Variants in GALNT13 observed in about 807,000 individuals in gnomAD.
GALNT13 encodes the protein UDP-GalNAc:polypeptide N-acetylgalactosaminyltransferase 13.
Under a neutral mutation model 64.2 loss-of-function variants are expected in GALNT13, and 28 were observed. That is an observed-to-expected ratio of 0.44 (90% CI 0.32 to 0.60). The LOEUF (loss-of-function observed/expected upper bound fraction) is 0.60, where lower values mean the gene tolerates loss of function less well. Ranked by LOEUF, GALNT13 falls within the 20% of genes least tolerant of loss-of-function variation. The pLI is 0.05. For synonymous variants in GALNT13, 214 were observed against 224.6 expected, an observed-to-expected ratio of 0.95 and a Z score of 0.42; for missense variants, 577 against 669.8, an observed-to-expected ratio of 0.86 and a Z score of 1.53.
chr2:153,288,280 AAC>A, the GALNT13 span, among the ~76,000 whole-genome samples: 9 of 152,186 alleles, frequency 5.9e-5, no homozygotes, highest in African/African-American at 2.2e-4. Context: ...TGTGTGTCTA[AAC>A]ACACACATAT....
the GALNT13 span, among the ~76,000 whole-genome samples, chr2:153,367,236 A>G: frequency 6.6e-6 from 1 of 152,142 alleles, no homozygotes; most frequent in Non-Finnish European, 1.5e-5. Context: ...TGTTTATATC[A>G]TATATAAAAG....
chr2:153,082,124 G>T, the GALNT13 span, among the ~76,000 whole-genome samples: 1 of 152,156 alleles, frequency 6.6e-6, no homozygotes, highest in Non-Finnish European at 1.5e-5. Flanking sequence ...GATGACCAAT[G>T]ATGTTGAGCA....
chr2:153,772,831 G>A, the GALNT13 span, among the ~76,000 whole-genome samples: 1 of 152,148 alleles, frequency 6.6e-6, no homozygotes, highest in Non-Finnish European at 1.5e-5. Context: ...TATGATTCTA[G>A]ATGGGCCAGA....
rs867162445 is a variant in GALNT13, at chr2:154,380,792, G to A, written c.1157-15199G>A. 4.6e-5 allele frequency among the ~76,000 whole-genome samples: 7 copies of A among 152,148 alleles called. No homozygotes were observed. In the South Asian group the frequency reaches 1.2e-3, roughly 27 times the overall value. ...GGTCTCTCACATGCCTGCAATTAAT[G>A]TGTTGATGGGGGCTGCAATCTCATC... On this transcript the variant is annotated intron_variant, in intron 9 of 12. Transcript: ENST00000392825.
chr2:153,495,309 CAAAA>C, the GALNT13 span, among the ~76,000 whole-genome samples: 5 of 151,532 alleles, frequency 3.3e-5, no homozygotes, highest in East Asian at 1.0e-3. Flanking sequence ...GACTCTGTCT[CAAAA>C]CAAACAAACA....
chr2:154,105,804 T>G (rs1225936644), intron 3 of GALNT13, among the ~76,000 whole-genome samples: 7 of 152,194 alleles, frequency 4.6e-5, no homozygotes, highest in African/African-American at 1.7e-4. Flanking sequence ...GAATATTGAG[T>G]ACTTGAAATG....
At chr2:153,503,439 T>A in the GALNT13 span, among the ~76,000 whole-genome samples, 3 of 152,240 alleles carry the variant, frequency 2.0e-5, no homozygotes, top group East Asian at 1.9e-4. Flanking sequence ...CTATTTTTTT[T>A]TTAAATAATT....
At chr2:153,138,004 C>A in the GALNT13 span, among the ~76,000 whole-genome samples, 1 of 152,144 alleles carries the variant, frequency 6.6e-6, no homozygotes, top group East Asian at 1.9e-4. Context: ...ATTTAAGAGA[C>A]CCTCACACAG....
chr2:154,423,981 TGAGATAAACATTAGAAA>T (rs1700365086), intron 11 of GALNT13, among the ~76,000 whole-genome samples: 1 of 152,130 alleles, frequency 6.6e-6, no homozygotes, highest in Non-Finnish European at 1.5e-5. Flanking sequence ...AATCCAGCCA[TGAGATAAACATTAGAAA>T]AATTCAAACT....
the GALNT13 span, among the ~76,000 whole-genome samples, chr2:153,097,559 A>G: frequency 4.6e-5 from 7 of 152,166 alleles, no homozygotes; most frequent in Admixed American, 2.6e-4. Flanking sequence ...TTAAAGGTGC[A>G]CTATCTATTG....
intron 4 of GALNT13, among the ~76,000 whole-genome samples, chr2:154,177,262 A>G (rs527633968): frequency 6.6e-6 from 1 of 152,186 alleles, no homozygotes; most frequent in Non-Finnish European, 1.5e-5. Context: ...GACATGGAGG[A>G]ACCTAAAATG....
At chr2:153,904,986 A>G (rs1027929138) in intron 2 of GALNT13, among the ~76,000 whole-genome samples, 2 of 151,900 alleles carry the variant, frequency 1.3e-5, no homozygotes, top group African/African-American at 4.8e-5. Context: ...TTAGGAGCCA[A>G]CTTCTATTTA....
intron 9 of GALNT13, among the ~76,000 whole-genome samples, chr2:154,365,326 A>G (rs1389719877): frequency 6.6e-6 from 1 of 152,138 alleles, no homozygotes; most frequent in Non-Finnish European, 1.5e-5. Flanking sequence ...TCCCAAGCAT[A>G]CCCTTCAATT....
chr2:154,380,639 G>T (rs572003834), intron 9 of GALNT13, among the ~76,000 whole-genome samples: 1 of 151,900 alleles, frequency 6.6e-6, no homozygotes, highest in Non-Finnish European at 1.5e-5. Context: ...ACACAAAGGG[G>T]CAACATATTG....
At chr2:153,645,105 A>C in the GALNT13 span, among the ~76,000 whole-genome samples, 36,607 of 152,108 alleles carry the variant, frequency 0.24, 5,683 homozygotes, top group Middle Eastern at 0.45. Context: ...AACATTCATA[A>C]AAATTAACTG....
chr2:154,406,386 A>G (rs1699541567), intron 10 of GALNT13, among the ~76,000 whole-genome samples: 1 of 152,106 alleles, frequency 6.6e-6, no homozygotes, highest in East Asian at 1.9e-4. Context: ...CTACTATTAT[A>G]CCATGCCTAT....
In GALNT13 at chr2:154,183,936, T is replaced by C. The variant is rs545648577; in HGVS notation, c.311+43431T>C. Among the ~76,000 whole-genome samples, 234 of 152,176 alleles carry C rather than the reference T, an allele frequency of 1.5e-3. 1 individual carries two copies. The highest frequency in any genetic ancestry group is 5.1e-3 in the African/African-American group (211 of 41,562). ...GTTAAGTTTATTTGAAATTTTTCTT[T>C]ATTCTTAATATAGACATTAATTGTT... is the stretch of plus-strand genomic sequence containing the variant. On this transcript the variant is annotated intron_variant, in intron 4 of 12. Coordinates refer to ENST00000392825, the MANE Select transcript of GALNT13 (RefSeq NM_052917.4).
the GALNT13 span, among the ~76,000 whole-genome samples, chr2:153,237,026 G>A: frequency 9.3e-4 from 142 of 152,124 alleles, no homozygotes; most frequent in Middle Eastern, 3.4e-3. Flanking sequence ...AAAACTTCAG[G>A]AGTTTCAAGA....
intron 7 of GALNT13, among the ~76,000 whole-genome samples, chr2:154,252,748 TAGATA>T (rs902209883): frequency 5.3e-5 from 8 of 150,748 alleles, no homozygotes; most frequent in Admixed American, 6.6e-5. Context: ...GATAGATAGA[TAGATA>T]GATAGATAGA....
Sources: gnomAD v4.1 joint callset for allele counts (sites outside exome capture counted in the v4.1 genomes callset) on GRCh38, gnomAD v4.1.1 for gene constraint, MANE v1.5 for transcripts, NCBI Gene and HGNC (gene_info 2026-07-23, HGNC 2026-07-21) for gene names.